The following RC3H1 variants were observed in gnomAD, a reference collection of about 807,000 sequenced individuals.
RC3H1 encodes roquin-1.
In RC3H1, 50 loss-of-function variants were observed where a neutral mutation model predicts 138.2. The observed-to-expected ratio is 0.36, with a 90% CI of 0.29 to 0.46. RC3H1 has a LOEUF of 0.46. RC3H1 is among the 20% of genes least tolerant of loss of function. RC3H1 has a pLI of 1.00. For synonymous variants in RC3H1, 462 were observed against 489.1 expected, an observed-to-expected ratio of 0.94 and a Z score of 0.73; for missense variants, 1,031 against 1,388.1, an observed-to-expected ratio of 0.74 and a Z score of 4.09.
At chr1:173,971,967 C>G (rs1411892571) in intron 8 of RC3H1, among the ~76,000 whole-genome samples, 1 of 152,022 alleles carries the variant, frequency 6.6e-6, no homozygotes, top group Non-Finnish European at 1.5e-5. Context: ...ATTTAAAACT[C>G]TAGCTATAAG....
At chr1:173,981,942 G>A (rs565883689) in intron 5 of RC3H1, among the ~76,000 whole-genome samples, 1 of 151,820 alleles carries the variant, frequency 6.6e-6, no homozygotes, top group South Asian at 2.1e-4. Context: ...TACAATAAAT[G>A]ATACATAGTG....
chr1:173,981,448 T>C (rs577796517), intron 5 of RC3H1, among the ~76,000 whole-genome samples: 1 of 152,362 alleles, frequency 6.6e-6, no homozygotes, highest in East Asian at 1.9e-4. Context: ...TCAATCTGTA[T>C]GTGCTGGAAT....
intron 13 of RC3H1, 74 bp downstream of exon 13, chr1:173,961,003 A>C (rs1287651540): frequency 2.1e-6 from 3 of 1,425,016 alleles, no homozygotes; most frequent in Non-Finnish European, 1.9e-6. Flanking sequence ...CACCATTGGG[A>C]ATAGGCAAAG....
intron 12 of RC3H1, among the ~76,000 whole-genome samples, 160 bp downstream of exon 12, chr1:173,961,563 TAA>T (rs57104242): frequency 0.054 from 7,714 of 143,564 alleles, 639 homozygotes; most frequent in African/African-American, 0.18. Flanking sequence ...TTATATAGTT[TAA>T]AAAAAAAAAA....
chr1:173,999,433 G>C (rs751234353), intron 1 of RC3H1, among the ~76,000 whole-genome samples: 3 of 151,780 alleles, frequency 2.0e-5, no homozygotes, highest in East Asian at 1.9e-4. Context: ...AAACAACAAG[G>C]CTACTTGCTT....
In RC3H1 at chr1:173,964,575, C is replaced by A. The variant is rs544796643; in HGVS notation, c.1616+264G>T. ...TAGAAATGGGTTTCATCATGTTGGC[C>A]AGGCTGGTCTCGAACTTCTGGCCTC... On this transcript the variant is annotated intron_variant, in intron 10 of 19. Transcript: ENST00000367696. 2.0e-5 allele frequency among the ~76,000 whole-genome samples: 3 copies of A among 151,036 alleles called. No individual in the cohort carries two copies. The East Asian group carries it at 5.8e-4, about 29-fold the overall frequency.
At chr1:173,978,951 G>A (rs1660690810) in intron 6 of RC3H1, among the ~76,000 whole-genome samples, 1 of 152,074 alleles carries the variant, frequency 6.6e-6, no homozygotes, top group South Asian at 2.1e-4. Context: ...TAATTTACTA[G>A]AATTAGTGCT....
chr1:173,941,454 A>G, intron 18 of RC3H1, 74 bp from the exon 19 acceptor site: 1 of 842,574 alleles, frequency 1.2e-6, no homozygotes, highest in South Asian at 1.5e-5. Context: ...AATTACAGAT[A>G]ATACAAAGTG....
chr1:173,989,434 C>T (rs1489349976), intron 2 of RC3H1, among the ~76,000 whole-genome samples: 1 of 152,142 alleles, frequency 6.6e-6, no homozygotes, highest in Non-Finnish European at 1.5e-5. Context: ...AATGATCCAT[C>T]CATCTTGGCC....
chr1:173,954,766 C>T (rs1659561725), intron 13 of RC3H1, among the ~76,000 whole-genome samples: 1 of 152,068 alleles, frequency 6.6e-6, no homozygotes, highest in Admixed American at 6.6e-5. Flanking sequence ...TTGAGACCAC[C>T]AGCCTGGGCA....
At chr1:174,000,161 T>G (rs1001989354) in intron 1 of RC3H1, among the ~76,000 whole-genome samples, 1 of 152,230 alleles carries the variant, frequency 6.6e-6, no homozygotes, top group Non-Finnish European at 1.5e-5. Flanking sequence ...AAAATAGTCA[T>G]TAAGGGCTTT....
intron 1 of RC3H1, among the ~76,000 whole-genome samples, chr1:174,002,649 T>C (rs1397175295): frequency 6.6e-6 from 1 of 152,204 alleles, no homozygotes. Flanking sequence ...TTAAGAACCT[T>C]ATGAAATTCA....
chr1:173,975,373 C>T (rs565747910), intron 7 of RC3H1, among the ~76,000 whole-genome samples: 3 of 151,982 alleles, frequency 2.0e-5, no homozygotes, highest in South Asian at 4.2e-4. Context: ...GGATTACAGG[C>T]GTGAGCCACT....
chr1:174,010,525 C>T (rs186317628), intron 1 of RC3H1, among the ~76,000 whole-genome samples: 1 of 152,252 alleles, frequency 6.6e-6, no homozygotes, highest in Admixed American at 6.5e-5. Context: ...AGCAATCCTC[C>T]CACCTCAGTC....
At chr1:174,009,912 G>A (rs1405874159) in intron 1 of RC3H1, among the ~76,000 whole-genome samples, 2 of 152,052 alleles carry the variant, frequency 1.3e-5, no homozygotes, top group Admixed American at 6.6e-5. Context: ...TCTTTTATGC[G>A]GATCACATGC....
At chr1:173,981,171 A>G (rs1660799500) in intron 5 of RC3H1, among the ~76,000 whole-genome samples, 162 bp from the exon 6 acceptor site, 1 of 152,238 alleles carries the variant, frequency 6.6e-6, no homozygotes, top group Non-Finnish European at 1.5e-5. Flanking sequence ...TGAGGTAGGT[A>G]TATTGCTATC....
At chr1:173,972,711 A>G (rs1226838151) in intron 7 of RC3H1, 84 bp from the exon 8 acceptor site, 1 of 877,592 alleles carries the variant, frequency 1.1e-6, no homozygotes, top group Non-Finnish European at 1.9e-6. Context: ...GTTACTTGAA[A>G]ACATTTCAGT....
intron 13 of RC3H1, among the ~76,000 whole-genome samples, chr1:173,960,619 C>T (rs1380821151): frequency 2.6e-5 from 4 of 152,132 alleles, no homozygotes; most frequent in Non-Finnish European, 5.9e-5. Flanking sequence ...AAAATTGAAG[C>T]AGATATTTTT....
intron 13 of RC3H1, among the ~76,000 whole-genome samples, chr1:173,959,632 A>C (rs1257014680): frequency 6.6e-6 from 1 of 151,886 alleles, no homozygotes; most frequent in African/African-American, 2.4e-5. Context: ...TTAGCCGGGC[A>C]TGGTGGCTCA....
Sources: allele counts gnomAD v4.1 joint callset (sites outside exome capture counted in the v4.1 genomes callset), GRCh38; gene constraint gnomAD v4.1.1; transcripts MANE v1.5; gene names NCBI Gene and HGNC (gene_info 2026-07-23, HGNC 2026-07-21).